The following APPL2 variants were observed in gnomAD, a reference collection of about 807,000 sequenced individuals.
The protein encoded by APPL2 is adaptor protein, phosphotyrosine interacting with PH domain and leucine zipper 2, also known as DCC-interacting protein 13-beta.
APPL2 carries 84 observed loss-of-function variants against 92.7 expected under a neutral mutation model. The ratio of observed to expected loss-of-function variants is 0.91; its 90% CI spans 0.76 to 1.09. The LOEUF is 1.09. APPL2 is among the 50% of genes least tolerant of loss of function. The pLI, the probability that APPL2 is intolerant of heterozygous loss-of-function variation, is 0.00. For missense variants in APPL2, 736 were observed against 824.5 expected (o/e 0.89, Z 1.31); for synonymous variants, 291 against 291.0 (o/e 1.00, Z 0.00).
At chr12:105,199,979 C>T (rs1283168728) in intron 9 of APPL2, among the ~76,000 whole-genome samples, 5 of 151,582 alleles carry the variant, frequency 3.3e-5, no homozygotes, top group Non-Finnish European at 4.4e-5. Context: ...CCACCATGCC[C>T]GGCTAATTTT....
At chr12:105,190,290 A>T in intron 14 of APPL2, 135 bp from the exon 15 acceptor site, 1 of 996,012 alleles carries the variant, frequency 1.0e-6, no homozygotes. Context: ...TCCATTCTAC[A>T]AATAAACCTT....
At chr12:105,199,815 T>C (rs937798023) in intron 9 of APPL2, among the ~76,000 whole-genome samples, 9 of 152,032 alleles carry the variant, frequency 5.9e-5, no homozygotes, top group African/African-American at 1.9e-4. Context: ...GTCTTTTTTT[T>C]TGTTGTTTTT....
intron 17 of APPL2, among the ~76,000 whole-genome samples, chr12:105,182,536 G>C (rs1886212109): frequency 6.6e-6 from 1 of 152,194 alleles, no homozygotes; most frequent in Non-Finnish European, 1.5e-5. Context: ...TCAGGAACAG[G>C]TTGTTCAGTT....
At chr12:105,186,621 A>C (rs886499274) in intron 17 of APPL2, among the ~76,000 whole-genome samples, 2 of 98,868 alleles carry the variant, frequency 2.0e-5, no homozygotes, top group Non-Finnish European at 1.8e-5. Context: ...TATATCATAT[A>C]TATATCATAT....
intron 4 of APPL2, among the ~76,000 whole-genome samples, chr12:105,215,693 T>C (rs1432870119): frequency 6.6e-6 from 1 of 152,196 alleles, no homozygotes; most frequent in Non-Finnish European, 1.5e-5. Context: ...ATCTGCACAC[T>C]CCTTTATGTT....
Position 105,188,543 on chromosome 12 carries a change from G to A in APPL2, c.1460-96C>T, listed in dbSNP as rs1886933835. ...GATGTGCTAGTTTTGCCTGCTTTCT[G>A]TGGAGGACTTTCTACCAAAATTTCT... On this transcript the variant is annotated intron_variant, in intron 16 of 20. Transcript: ENST00000258530. 7 of 1,365,308 alleles carry A rather than the reference G, an allele frequency of 5.1e-6. 1 individual carries two copies. Among genetic ancestry groups the A allele is most frequent in the Middle Eastern group, 1.8e-4 (1 of 5,418 alleles). 84.6% of individuals were successfully genotyped at this position (1,365,308 alleles called of 1,614,324 possible). A position where few individuals can be genotyped will look rare whatever the true frequency, so the allele number is the denominator to read the frequency against.
chr12:105,232,057 AT>A (rs1213097281), intron 1 of APPL2, among the ~76,000 whole-genome samples: 1 of 152,234 alleles, frequency 6.6e-6, no homozygotes, highest in Non-Finnish European at 1.5e-5. Context: ...AACAGCAATC[AT>A]TTATGGGGTT....
intron 16 of APPL2, 130 bp from the exon 17 acceptor site, chr12:105,188,577 C>T: frequency 1.2e-6 from 1 of 817,886 alleles, no homozygotes; most frequent in Non-Finnish European, 1.9e-6. Context: ...CTCAATACCA[C>T]TTTTATAAGC....
intron 17 of APPL2, among the ~76,000 whole-genome samples, chr12:105,183,070 C>CTTTTTTTTT (rs56345779): frequency 7.9e-5 from 7 of 88,398 alleles, no homozygotes; most frequent in Non-Finnish European, 1.2e-4. Context: ...GCAACCCCTG[C>CTTTTTTTTT]TTTTTTTTTT....
chr12:105,215,361 C>T (rs1889595242), intron 4 of APPL2, among the ~76,000 whole-genome samples: 1 of 152,142 alleles, frequency 6.6e-6, no homozygotes, highest in Non-Finnish European at 1.5e-5. Flanking sequence ...AAAACCCACA[C>T]ATTTTGGTGA....
chr12:105,185,134 A>G (rs958160886), intron 17 of APPL2, among the ~76,000 whole-genome samples: 1 of 152,174 alleles, frequency 6.6e-6, no homozygotes, highest in Non-Finnish European at 1.5e-5. Flanking sequence ...TCCCTGGTCA[A>G]CTTCAGACTG....
chr12:105,183,073 T>C (rs1213474486), intron 17 of APPL2, among the ~76,000 whole-genome samples: 1 of 9,912 alleles, frequency 1.0e-4, no homozygotes, highest in African/African-American at 2.0e-4. Context: ...ACCCCTGCTT[T>C]TTTTTTTTTT....
At chr12:105,178,612 T>TTA (rs1360775908) in intron 17 of APPL2, among the ~76,000 whole-genome samples, 1 of 152,188 alleles carries the variant, frequency 6.6e-6, no homozygotes, top group Non-Finnish European at 1.5e-5. Flanking sequence ...ACCGTAAGAC[T>TTA]TATAATCAGA....
intron 14 of APPL2, among the ~76,000 whole-genome samples, chr12:105,192,970 C>A (rs541831197): frequency 1.3e-5 from 2 of 152,182 alleles, no homozygotes; most frequent in Admixed American, 6.5e-5. Flanking sequence ...CTTTCCCCCC[C>A]CACTGTCATC....
At chr12:105,174,876 T>TGGGGGGGGGGGG (rs59473626) in intron 20 of APPL2, among the ~76,000 whole-genome samples, 4 of 89,018 alleles carry the variant, frequency 4.5e-5, no homozygotes, top group East Asian at 3.8e-4. Context: ...TTTTTTTTGG[T>TGGGGGGGGGGGG]GGGGGGGGGG....
chr12:105,194,630 G>A (rs1243918108), intron 14 of APPL2, among the ~76,000 whole-genome samples: 1 of 152,140 alleles, frequency 6.6e-6, no homozygotes, highest in East Asian at 1.9e-4. Flanking sequence ...AGTGGCGGTT[G>A]CAGTGAGCCG....
chr12:105,233,841 T>C (rs1011891719), intron 1 of APPL2, among the ~76,000 whole-genome samples: 15 of 152,190 alleles, frequency 9.9e-5, no homozygotes, highest in African/African-American at 3.6e-4. Context: ...ATTGAGTGAG[T>C]TAATATATGT....
At chr12:105,195,557 A>G in intron 12 of APPL2, 28 bp downstream of exon 12, 1 of 1,614,240 alleles carries the variant, frequency 6.2e-7, no homozygotes, top group Non-Finnish European at 8.5e-7. Context: ...CCACGTTAGG[A>G]AAGAAATATG....
intron 1 of APPL2, among the ~76,000 whole-genome samples, chr12:105,230,265 T>C (rs1212292572): frequency 1.3e-5 from 2 of 152,138 alleles, no homozygotes; most frequent in African/African-American, 2.4e-5. Context: ...AGCAAAGTCA[T>C]AAGCTGAAAG....
Sources: gnomAD v4.1 joint callset for allele counts (sites outside exome capture counted in the v4.1 genomes callset) on GRCh38, gnomAD v4.1.1 for gene constraint, MANE v1.5 for transcripts, NCBI Gene and HGNC (gene_info 2026-07-23, HGNC 2026-07-21) for gene names.